The following STARD13 variants were observed in gnomAD, a reference collection of about 807,000 sequenced individuals.
The protein encoded by STARD13 is stAR-related lipid transfer protein 13.
In STARD13, 62 loss-of-function variants were observed where a neutral mutation model predicts 106.4. That is an observed-to-expected ratio of 0.58 (90% CI 0.48 to 0.72). STARD13 has a LOEUF of 0.72. STARD13 is among the 30% of genes least tolerant of loss of function. The pLI is 0.00. For missense variants in STARD13, 1,387 were observed against 1,424.0 expected, an observed-to-expected ratio of 0.97 and a Z score of 0.42; for synonymous variants, 565 against 553.0, an observed-to-expected ratio of 1.02 and a Z score of -0.31.
chr13:33,241,964 C>T (rs867547672), intron 1 of STARD13, among the ~76,000 whole-genome samples: 6 of 152,160 alleles, frequency 3.9e-5, no homozygotes, highest in South Asian at 2.1e-4. Context: ...GCCGCCACCC[C>T]GTCTGGGAAG....
intron 1 of STARD13, among the ~76,000 whole-genome samples, chr13:33,227,357 C>T (rs1203180602): frequency 6.6e-6 from 1 of 152,156 alleles, no homozygotes; most frequent in Non-Finnish European, 1.5e-5. Context: ...AAACAGATAC[C>T]TAATTTGTTC....
chr13:33,647,318 T>C, the STARD13 span, among the ~76,000 whole-genome samples: 1 of 152,192 alleles, frequency 6.6e-6, no homozygotes, highest in Non-Finnish European at 1.5e-5. Flanking sequence ...ATCTCAATCA[T>C]ACTAGTAATT....
At chr13:33,439,627 G>A in the STARD13 span, 2 of 821,984 alleles carry the variant, frequency 2.4e-6, no homozygotes, top group Non-Finnish European at 3.5e-6. Flanking sequence ...TTATAGGGAT[G>A]AGGCAAAGCT....
intron 12 of STARD13, 26 bp downstream of exon 12, chr13:33,109,847 A>G: frequency 1.2e-6 from 2 of 1,611,584 alleles, no homozygotes; most frequent in African/African-American, 2.7e-5. Flanking sequence ...GGAACAGAAC[A>G]TCATAAACCC....
At chr13:33,135,887 C>T (rs1182097525) in intron 4 of STARD13, among the ~76,000 whole-genome samples, 1 of 152,152 alleles carries the variant, frequency 6.6e-6, no homozygotes, top group African/African-American at 2.4e-5. Flanking sequence ...CTTTGGAAGG[C>T]CGAGGCGAAC....
intron 1 of STARD13, among the ~76,000 whole-genome samples, chr13:33,231,620 A>G (rs1426372121): frequency 6.6e-6 from 1 of 152,108 alleles, no homozygotes; most frequent in Non-Finnish European, 1.5e-5. Context: ...CACATTTACC[A>G]TCTCACTTTG....
At chr13:33,336,679 C>A (rs1397115683) in intron 1 of STARD13, 1 of 145,214 alleles carries the variant, frequency 6.9e-6, no homozygotes, top group African/African-American at 2.6e-5. Flanking sequence ...TGGCTTGAGC[C>A]ACAGAAGTTG....
intron 7 of STARD13, among the ~76,000 whole-genome samples, chr13:33,121,142 G>T (rs1593882560): frequency 6.6e-6 from 1 of 152,196 alleles, no homozygotes; most frequent in Non-Finnish European, 1.5e-5. Context: ...AAAGCCACTG[G>T]GCACAGTGAG....
At chr13:33,272,455 G>A (rs983086393) in intron 1 of STARD13, 3 of 152,140 alleles carry the variant, frequency 2.0e-5, no homozygotes, top group African/African-American at 7.2e-5. Flanking sequence ...CAATATTGTG[G>A]TGAGAAATAT....
the STARD13 span, among the ~76,000 whole-genome samples, chr13:33,586,682 A>G: frequency 2.6e-5 from 4 of 152,104 alleles, no homozygotes; most frequent in South Asian, 2.1e-4. Flanking sequence ...TGTCTTGTTA[A>G]TTTCTTTTTA....
chr13:33,303,868 T>C (rs1470202955), intron 1 of STARD13, among the ~76,000 whole-genome samples: 1 of 152,156 alleles, frequency 6.6e-6, no homozygotes, highest in Non-Finnish European at 1.5e-5. Context: ...CCTAGGACCC[T>C]GGGGCAGCAG....
the STARD13 span, among the ~76,000 whole-genome samples, chr13:33,635,268 C>CT: frequency 7.3e-6 from 1 of 136,296 alleles, no homozygotes; most frequent in African/African-American, 3.6e-5. Flanking sequence ...GGTTAAAATC[C>CT]CGTTTCTAAC....
chr13:33,383,274 T>G, the STARD13 span, among the ~76,000 whole-genome samples: 3 of 152,170 alleles, frequency 2.0e-5, no homozygotes, highest in Admixed American at 6.5e-5. Flanking sequence ...GGCTCATGTC[T>G]GTAATCCCAG....
chr13:33,164,214 T>C (rs973423331), intron 3 of STARD13: 2 of 152,208 alleles, frequency 1.3e-5, no homozygotes, highest in Middle Eastern at 3.2e-3. Context: ...AACACAAACC[T>C]ATTTTCTCTT....
chr13:33,230,169 G>C (rs917057689), intron 1 of STARD13, among the ~76,000 whole-genome samples: 1 of 152,226 alleles, frequency 6.6e-6, no homozygotes. Context: ...ATGGCAAATG[G>C]TAATTCACTG....
At chr13:33,407,286 G>A in the STARD13 span, among the ~76,000 whole-genome samples, 1 of 152,128 alleles carries the variant, frequency 6.6e-6, no homozygotes, top group Non-Finnish European at 1.5e-5. Flanking sequence ...CTCCTTTTCT[G>A]CCCTGGCCAT....
the STARD13 span, among the ~76,000 whole-genome samples, chr13:33,438,428 A>G: frequency 6.6e-6 from 1 of 152,180 alleles, no homozygotes; most frequent in Non-Finnish European, 1.5e-5. Context: ...TATGATTTTA[A>G]AAGAGGTCTG....
chr13:33,112,029 A>G (rs1048848552), intron 9 of STARD13, 137 bp from the exon 10 acceptor site: 3 of 596,366 alleles, frequency 5.0e-6, no homozygotes, highest in South Asian at 2.1e-5. Flanking sequence ...AATAAAAACA[A>G]TGATCACATA....
At chr13:33,554,543 A>G in the STARD13 span, among the ~76,000 whole-genome samples, 1 of 152,232 alleles carries the variant, frequency 6.6e-6, no homozygotes, top group Non-Finnish European at 1.5e-5. Flanking sequence ...GCCAGGTACT[A>G]TGTATAGTAA....
Sources: gnomAD v4.1 joint callset for allele counts (sites outside exome capture counted in the v4.1 genomes callset) on GRCh38, gnomAD v4.1.1 for gene constraint, MANE v1.5 for transcripts, NCBI Gene and HGNC (gene_info 2026-07-23, HGNC 2026-07-21) for gene names.